Variants in IL7 observed in about 807,000 individuals in gnomAD.
IL7 encodes interleukin-7.
Under a neutral mutation model 21.6 loss-of-function variants are expected in IL7, and 3 were observed. The ratio of observed to expected loss-of-function variants is 0.14; its 90% CI spans 0.06 to 0.36. The LOEUF (loss-of-function observed/expected upper bound fraction) is 0.36. IL7 is among the 10% of genes least tolerant of loss of function. IL7 has a pLI of 1.00. For missense variants in IL7, 175 were observed against 200.2 expected, an observed-to-expected ratio of 0.87 and a Z score of 0.76; for synonymous variants, 62 against 68.1, an observed-to-expected ratio of 0.91 and a Z score of 0.44.
chr8:78,755,465 A>T (rs566135293), intron 2 of IL7, among the ~76,000 whole-genome samples: 2 of 152,190 alleles, frequency 1.3e-5, no homozygotes, highest in East Asian at 3.9e-4. Context: ...TAGGCATATT[A>T]TATCTTTACA....
downstream of IL7, among the ~76,000 whole-genome samples, chr8:78,716,635 G>T (rs1166809890): frequency 6.6e-6 from 1 of 152,110 alleles, no homozygotes; most frequent in African/African-American, 2.4e-5. Context: ...TTAGAGATGG[G>T]TTTGCAGAAA....
At chr8:78,802,647 G>T (rs376494377) in intron 1 of IL7, among the ~76,000 whole-genome samples, 1 of 152,110 alleles carries the variant, frequency 6.6e-6, no homozygotes, top group East Asian at 1.9e-4. Flanking sequence ...TGGCCAGCCT[G>T]GTCTCGAACT....
At chr8:78,739,922 AAT>A in intron 3 of IL7, 78 bp downstream of exon 3, 1 of 1,271,414 alleles carries the variant, frequency 7.9e-7, no homozygotes, top group Non-Finnish European at 1.0e-6. Context: ...GTATTCATAT[AAT>A]TGTCTAACAG....
intron 2 of IL7, among the ~76,000 whole-genome samples, chr8:78,758,711 GGCT>G (rs1209717719): frequency 9.9e-5 from 15 of 152,140 alleles, no homozygotes; most frequent in African/African-American, 3.4e-4. Flanking sequence ...CTGAGTAATA[GGCT>G]GCTAGTCTGA....
intron 2 of IL7, among the ~76,000 whole-genome samples, chr8:78,755,206 A>C (rs530434725): frequency 6.6e-6 from 1 of 152,198 alleles, no homozygotes; most frequent in Admixed American, 6.5e-5. Context: ...TTTTTATACC[A>C]GTGCTATGTT....
At chr8:78,715,608 A>C (rs1811077046), downstream of IL7, among the ~76,000 whole-genome samples, 1 of 152,220 alleles carries the variant, frequency 6.6e-6, no homozygotes. Flanking sequence ...AAGTTGTTCC[A>C]AACTTCATGG....
chr8:78,686,494 T>A, intron 3 of IL7: 5 of 1,534,182 alleles, frequency 3.3e-6, no homozygotes, highest in Non-Finnish European at 4.4e-6. Context: ...ACCATCTAAT[T>A]GGAGAAGGAA....
chr8:78,783,454 C>G (rs1426512393), intron 2 of IL7, among the ~76,000 whole-genome samples: 1 of 152,014 alleles, frequency 6.6e-6, no homozygotes, highest in Non-Finnish European at 1.5e-5. Context: ...ACCTGGATAC[C>G]TTAGTTGCCA....
chr8:78,751,392 C>A (rs984378825), intron 2 of IL7, among the ~76,000 whole-genome samples: 4 of 152,164 alleles, frequency 2.6e-5, no homozygotes, highest in African/African-American at 9.7e-5. Flanking sequence ...ATTATGTACT[C>A]TGTGAATTTA....
At chr8:78,713,762 T>G (rs543749432), downstream of IL7, among the ~76,000 whole-genome samples, 8 of 152,212 alleles carry the variant, frequency 5.3e-5, no homozygotes, top group Non-Finnish European at 1.0e-4. Flanking sequence ...AGTTCTGTAA[T>G]ACAGCCCACT....
intron 3 of IL7, among the ~76,000 whole-genome samples, chr8:78,709,984 C>A (rs1810904191): frequency 6.6e-6 from 1 of 152,136 alleles, no homozygotes; most frequent in African/African-American, 2.4e-5. Context: ...TAGTAAGCCA[C>A]ACTAAAATTA....
intron 2 of IL7, among the ~76,000 whole-genome samples, chr8:78,769,024 G>A (rs949525040): frequency 2.0e-5 from 3 of 152,096 alleles, no homozygotes; most frequent in African/African-American, 7.2e-5. Flanking sequence ...GGTATTGATG[G>A]GACGTATCTC....
At chr8:78,721,255 A>G (rs896498678) in intron 4 of IL7, 7 of 152,084 alleles carry the variant, frequency 4.6e-5, no homozygotes, top group African/African-American at 1.7e-4. Flanking sequence ...TCTTATAACC[A>G]TAAATTATAC....
chr8:78,681,409 G>A (rs1809774678), intron 4 of IL7, among the ~76,000 whole-genome samples: 1 of 152,166 alleles, frequency 6.6e-6, no homozygotes, highest in South Asian at 2.1e-4. Context: ...TGAATGTTGT[G>A]ATCAGATATT....
chr8:78,715,763 G>GT (rs1355268849), downstream of IL7, among the ~76,000 whole-genome samples: 1 of 152,166 alleles, frequency 6.6e-6, no homozygotes, highest in East Asian at 1.9e-4. Flanking sequence ...TGGATGAGGA[G>GT]TTGTGGTGGC....
chr8:78,778,023 T>C (rs1332439670), intron 2 of IL7, among the ~76,000 whole-genome samples: 1 of 152,106 alleles, frequency 6.6e-6, no homozygotes, highest in Non-Finnish European at 1.5e-5. Context: ...GACTTAAATC[T>C]AATTACCAAG....
Position 78,798,084 on chromosome 8 carries a change from G to T in IL7, c.135C>A (p.Ile45=), listed in dbSNP as rs758119987. Residue 45 remains isoleucine (I), a synonymous_variant, in exon 2 of 6, where the codon ATC becomes ATA. Transcript: ENST00000263851. ...KQYESVLMVS[I]DQLLDSMKEI... is the part of the protein sequence containing the mutation. ...AATAATCACATACCAATAATTGATCGATGCTGACCATTAGAACACTCTCAT... is the reference window on the plus strand; with the variant it reads ...AATAATCACATACCAATAATTGATCTATGCTGACCATTAGAACACTCTCAT... 2 of 1,600,830 alleles carry T rather than the reference G, an allele frequency of 1.2e-6. No individual in the cohort carries two copies. The highest frequency in any genetic ancestry group is 3.4e-5 in the Admixed American group (2 of 58,858).
intron 3 of IL7, among the ~76,000 whole-genome samples, chr8:78,702,759 T>C (rs1417381693): frequency 6.6e-6 from 1 of 152,178 alleles, no homozygotes; most frequent in Non-Finnish European, 1.5e-5. Context: ...TTATATGTAG[T>C]TGTAGGGTTT....
chr8:78,751,503 C>A (rs1267882396), intron 2 of IL7, among the ~76,000 whole-genome samples: 3 of 152,068 alleles, frequency 2.0e-5, no homozygotes, highest in African/African-American at 7.2e-5. Context: ...TTAGCAGAAG[C>A]TATTCAGGAA....
Sources: allele counts gnomAD v4.1 joint callset (sites outside exome capture counted in the v4.1 genomes callset), GRCh38; gene constraint gnomAD v4.1.1; transcripts MANE v1.5; gene names NCBI Gene and HGNC (gene_info 2026-07-23, HGNC 2026-07-21).